Variants in RSPH4A observed in about 807,000 individuals in gnomAD.
The protein encoded by RSPH4A is radial spoke head protein 4 homolog A.
RSPH4A carries 47 observed loss-of-function variants against 71.0 expected under a neutral mutation model. The observed-to-expected ratio is 0.66, with a 90% CI of 0.52 to 0.84. RSPH4A has a LOEUF of 0.84. RSPH4A is among the 40% of genes least tolerant of loss of function. The pLI, the probability that RSPH4A is intolerant of heterozygous loss-of-function variation, is 0.00. For synonymous variants in RSPH4A, 282 were observed against 302.3 expected, an observed-to-expected ratio of 0.93 and a Z score of 0.70; for missense variants, 793 against 855.2, an observed-to-expected ratio of 0.93 and a Z score of 0.91.
rs778423755 is a variant in RSPH4A at position 116,628,105 on chromosome 6, G to T, written c.1398G>T (p.Leu466Phe). ...TCAAGAAATTTTTCACTGGGCGATT[G>T]GATGCTCCCATCATAAGCTACCCAC... ...RKIKKFFTGR[L>F]DAPIISYPPF... The change falls in exon 3 of 6, where the codon TTG becomes TTT. Residue 466 changes from leucine to phenylalanine, a missense_variant. Coordinates refer to ENST00000229554, the MANE Select transcript of RSPH4A (RefSeq NM_001010892.3). 1.9e-6 allele frequency: 3 copies of T among 1,614,160 alleles called. No homozygotes were observed. Among genetic ancestry groups the T allele is most frequent in the Admixed American group, 1.7e-5 (1 of 60,014 alleles).
chr6:116,626,868 G>A (rs559339676), intron 2 of RSPH4A, among the ~76,000 whole-genome samples: 1 of 151,918 alleles, frequency 6.6e-6, no homozygotes, highest in South Asian at 2.1e-4. Context: ...TATATTTTTA[G>A]TGATCCTATA....
intron 1 of RSPH4A, among the ~76,000 whole-genome samples, chr6:116,618,658 C>T (rs1357316567): frequency 3.3e-5 from 5 of 152,202 alleles, no homozygotes; most frequent in Non-Finnish European, 7.3e-5. Context: ...GGATTACAGG[C>T]GTAAGCCACT....
rs777231489 is a variant in RSPH4A, at chr6:116,628,015, A to G, written c.1308A>G (p.Glu436=). Residue 436 remains glutamate (E), a synonymous_variant, in exon 3 of 6, where the codon GAA becomes GAG. Coordinates refer to ENST00000229554, the MANE Select transcript of RSPH4A (RefSeq NM_001010892.3). ...ANKYVYFVCN[E]PGRPWVKLPP... Reference sequence around the variant, plus strand: ...AATATGTCTATTTTGTTTGCAATGAACCAGGAAGACCATGGGTGAAGTTAC... The same window carrying G: ...AATATGTCTATTTTGTTTGCAATGAGCCAGGAAGACCATGGGTGAAGTTAC... 3 of 1,614,236 alleles carry G rather than the reference A, an allele frequency of 1.9e-6. No homozygotes were observed. The East Asian group carries it at 6.7e-5, about 36-fold the overall frequency.
intron 2 of RSPH4A, among the ~76,000 whole-genome samples, chr6:116,627,090 A>G (rs1775707733): frequency 6.6e-6 from 1 of 152,260 alleles, no homozygotes. Context: ...TAAAATATAC[A>G]CATAAACAAG....
chr6:116,628,192 C>A lies in RSPH4A; in HGVS notation c.1485C>A (p.Thr495=). Residue 495 remains threonine, a synonymous_variant, in exon 3 of 6, where the codon ACC becomes ACA. Coordinates refer to ENST00000229554, the MANE Select transcript of RSPH4A (RefSeq NM_001010892.3). Reference sequence around the variant, plus strand: ...AAATTGCCCGAATTTCAGCAGGAACCCACGTCAGTCCTCTAGGATTTTATC... The same window carrying A: ...AAATTGCCCGAATTTCAGCAGGAACACACGTCAGTCCTCTAGGATTTTATC... ...RAQIARISAG[T]HVSPLGFYQF... is the part of the protein sequence containing the mutation. 6.2e-7 allele frequency: 1 copy of A among 1,614,002 alleles called. No individual in the cohort carries two copies. The highest frequency in any genetic ancestry group is 1.6e-4 in the Middle Eastern group (1 of 6,062).
chr6:116,616,550 A>T lies in RSPH4A; in HGVS notation c.-74A>T, dbSNP rs370877250. On this transcript the variant is annotated 5_prime_UTR_variant, in exon 1 of 6. Transcript: ENST00000229554. ...TCGCTTAAGAGACCGCGGCAAAGTA[A>T]CTTAACTGAGTTGCCTTCTTCCATA... The T allele has an allele frequency of 3.0e-6, 4 of 1,321,860 alleles. No homozygotes were observed. The highest frequency in any genetic ancestry group is 3.9e-5 in the Admixed American group (2 of 50,858). 81.9% of individuals were successfully genotyped at this position (1,321,860 alleles called of 1,614,324 possible).
chr6:116,629,095 C>A (rs950298117), intron 3 of RSPH4A, among the ~76,000 whole-genome samples: 1 of 152,148 alleles, frequency 6.6e-6, no homozygotes, highest in Non-Finnish European at 1.5e-5. Context: ...AGAAAATCTT[C>A]GTTATACTTT....
Position 116,627,661 on chromosome 6 carries a change from A to AG in RSPH4A, c.955dup (p.Ala319GlyfsTer5), listed in dbSNP as rs1476613180. The AG allele has an allele frequency of 6.2e-7, 1 of 1,614,234 alleles. No homozygotes were observed. The highest frequency in any genetic ancestry group is 8.5e-7 in the Non-Finnish European group (1 of 1,180,032). ...ACGCTCTTCCAAATGTAATGGAGTC[A>AG]GCTTTTTATTTTGAACAAGCTGGAG... On this transcript the variant is annotated frameshift_variant, in exon 3 of 6. Transcript: ENST00000229554. LOFTEE classifies it high-confidence loss of function.
Position 116,630,558 on chromosome 6 carries a change from T to G in RSPH4A, c.1916+6T>G, listed in dbSNP as rs1386958995. ...TATGCCTTCTCCAATGGCAAGTAAG[T>G]ATCTGACCACTTACAAAGCCATTTC... On this transcript the variant is annotated splice_donor_region_variant and intron_variant, in intron 5 of 5. Coordinates refer to ENST00000229554, the MANE Select transcript of RSPH4A (RefSeq NM_001010892.3). The G allele has an allele frequency of 7.5e-7, 1 of 1,335,644 alleles. No homozygotes were observed. The highest frequency in any genetic ancestry group is 1.2e-5 in the South Asian group (1 of 85,444). 82.7% of individuals were successfully genotyped at this position (1,335,644 alleles called of 1,614,324 possible). A position where few individuals can be genotyped will look rare whatever the true frequency, so the allele number is the denominator to read the frequency against.
rs763773647 is a variant in RSPH4A at position 116,629,682 on chromosome 6, C to T, written c.1778C>T (p.Thr593Ile). 2.5e-6 allele frequency: 4 copies of T among 1,611,914 alleles called. No individual in the cohort carries two copies. The highest frequency in any genetic ancestry group is 1.7e-5 in the Admixed American group (1 of 60,002). The change falls in exon 4 of 6, where the codon ACA becomes ATA. Residue 593 changes from threonine to isoleucine, a missense_variant. By Grantham distance (89) the Thr-to-Ile change is moderately conservative (BLOSUM62 -1). Transcript: ENST00000229554. ...CAGGAAGTGGGGCTTCCTCTTTTGA[C>T]ACCAATCTCTGAAGATTTAGGTTAT... ...IEQEVGLPLL[T>I]PISEDLEIQN...
rs1491195363 is a variant in RSPH4A, at chr6:116,630,696, A to AGAG, written c.1916+145_1916+147dup. 11 of 471,054 alleles carry AGAG rather than the reference A, an allele frequency of 2.3e-5. No homozygotes were observed. In the African/African-American group the frequency reaches 3.2e-4, roughly 14 times the overall value. 29.2% of individuals were successfully genotyped at this position (471,054 alleles called of 1,614,324 possible). Reference sequence around the variant, plus strand: ...TTTTTTTTTTTTTTTTTTTTGAGACAGAGTCTTGCTCTGTCACCCAGGCTG... The same window carrying AGAG: ...TTTTTTTTTTTTTTTTTTTTGAGACAGAGGAGTCTTGCTCTGTCACCCAGGCTG... On this transcript the variant is annotated intron_variant, in intron 5 of 5. Transcript: ENST00000229554.
At chr6:116,628,497 A>T (rs1775739567) in intron 3 of RSPH4A, 128 bp downstream of exon 3, 1 of 755,032 alleles carries the variant, frequency 1.3e-6, no homozygotes, top group Non-Finnish European at 2.2e-6. Context: ...AAAAGAGATA[A>T]TTAAAAACAC....
rs116191088 is a variant in RSPH4A, at chr6:116,632,932, T to C, written c.*491T>C. The C allele has an allele frequency of 3.9e-3, 679 of 172,862 alleles. 5 individuals carry two copies. Among genetic ancestry groups the C allele is most frequent in the African/African-American group, 0.015 (634 of 41,752 alleles). The allele number at this position is 172,862 out of a possible 1,614,324, so 10.7% of individuals were successfully genotyped here. ...TGATAGTCACTAGAGTAATGTATTC[T>C]TAACCTTTGTAAGAACTGATCTCAG... is the stretch of plus-strand genomic sequence containing the variant. On this transcript the variant is annotated 3_prime_UTR_variant, in exon 6 of 6. Coordinates refer to ENST00000229554, the MANE Select transcript of RSPH4A (RefSeq NM_001010892.3).
chr6:116,626,675 C>T (rs1182709872), intron 2 of RSPH4A, among the ~76,000 whole-genome samples: 1 of 152,116 alleles, frequency 6.6e-6, no homozygotes, highest in South Asian at 2.1e-4. Flanking sequence ...ATTTAAGACT[C>T]TGCTTATTCA....
At chr6:116,629,262 C>T (rs1025904389) in intron 3 of RSPH4A, among the ~76,000 whole-genome samples, 1 of 152,162 alleles carries the variant, frequency 6.6e-6, no homozygotes, top group Non-Finnish European at 1.5e-5. Flanking sequence ...TTATTTACCA[C>T]AAACCAGTAA....
intron 2 of RSPH4A, among the ~76,000 whole-genome samples, chr6:116,626,717 A>AT (rs1226931974): frequency 6.6e-6 from 1 of 150,460 alleles, no homozygotes; most frequent in Non-Finnish European, 1.5e-5. Flanking sequence ...GAATTTTTTA[A>AT]TTTTTCTCAT....
intron 4 of RSPH4A, 149 bp from the exon 5 acceptor site, chr6:116,630,286 G>A: frequency 2.8e-6 from 2 of 708,448 alleles, no homozygotes. Flanking sequence ...ATTTTGTTAA[G>A]TTGCTGCTGT....
At position 116,624,614 on chromosome 6, in the gene RSPH4A, GA is replaced by G. The variant is rs570664937; in HGVS notation, c.921+1615del. On this transcript the variant is annotated intron_variant, in intron 2 of 5. Coordinates refer to ENST00000229554, the MANE Select transcript of RSPH4A (RefSeq NM_001010892.3). ...GGTGAAGATTAAAAGCTCCACCTCA[GA>G]AAGTAGAAAGAGGCAGGAACAGATA... Among the ~76,000 whole-genome samples, 5 of 152,268 alleles carry G rather than the reference GA, an allele frequency of 3.3e-5. 1 individual carries two copies. The South Asian group carries it at 1.0e-3, about 32-fold the overall frequency.
chr6:116,630,352 T>C, intron 4 of RSPH4A, 83 bp from the exon 5 acceptor site: 1 of 790,790 alleles, frequency 1.3e-6, no homozygotes, highest in Non-Finnish European at 2.3e-6. Context: ...CATGTGTGTG[T>C]GTGTGTATTT....
Sources: gnomAD v4.1 joint callset for allele counts (sites outside exome capture counted in the v4.1 genomes callset) on GRCh38, gnomAD v4.1.1 for gene constraint, MANE v1.5 for transcripts, NCBI Gene and HGNC (gene_info 2026-07-23, HGNC 2026-07-21) for gene names.